Variants in TMPO observed in about 807,000 individuals in gnomAD.
TMPO encodes the protein LEM domain containing 4.
In TMPO, 22 loss-of-function variants were observed where a neutral mutation model predicts 45.4. That is an observed-to-expected ratio of 0.48 (90% CI 0.35 to 0.69). TMPO has a LOEUF of 0.69. TMPO is among the 30% of genes least tolerant of loss of function. The pLI, the probability that TMPO is intolerant of heterozygous loss-of-function variation, is 0.01. For missense variants in TMPO, 512 were observed against 548.8 expected (o/e 0.93, Z 0.67); for synonymous variants, 241 against 204.1 (o/e 1.18, Z -1.54).
At chr12:98,540,352 ACT>A (rs1282970260) in intron 4 of TMPO, among the ~76,000 whole-genome samples, 3 of 150,600 alleles carry the variant, frequency 2.0e-5, no homozygotes, top group Non-Finnish European at 3.0e-5. Flanking sequence ...AGGCTGAGAA[ACT>A]CTGTTTTGCT....
intron 1 of TMPO, 117 bp from the exon 2 acceptor site, chr12:98,527,769 C>T: frequency 1.7e-6 from 2 of 1,157,578 alleles, no homozygotes; most frequent in Non-Finnish European, 2.5e-6. Flanking sequence ...TTGCTAAGGC[C>T]TAATATTACT....
At position 98,515,678 on chromosome 12, in the gene TMPO, T is replaced by C; in HGVS notation, c.-190T>C. Reference sequence around the variant, plus strand: ...GGCCGCAGTTGGTTCGTAGTTCGGCTCTGGGGTCTTTTGTGTCCGGGTCTG... The same window carrying C: ...GGCCGCAGTTGGTTCGTAGTTCGGCCCTGGGGTCTTTTGTGTCCGGGTCTG... On this transcript the variant is annotated 5_prime_UTR_variant, in exon 1 of 9. Coordinates refer to ENST00000556029, the MANE Select transcript of TMPO (RefSeq NM_001032283.3). 4.0e-6 allele frequency: 5 copies of C among 1,260,352 alleles called. No individual in the cohort carries two copies. Among genetic ancestry groups the C allele is most frequent in the South Asian group, 3.0e-5 (2 of 66,798 alleles). The allele number at this position is 1,260,352 out of a possible 1,614,324, so 78.1% of individuals were successfully genotyped here.
intron 1 of TMPO, among the ~76,000 whole-genome samples, chr12:98,518,504 G>T: frequency 8.0e-6 from 1 of 124,990 alleles, no homozygotes. Flanking sequence ...TGGTACACAG[G>T]CTTTCTGTGT....
At chr12:98,529,282 G>A (rs1462405463) in intron 2 of TMPO, among the ~76,000 whole-genome samples, 2 of 152,008 alleles carry the variant, frequency 1.3e-5, no homozygotes, top group South Asian at 2.1e-4. Context: ...TGAAACTCCC[G>A]ACCTCAGGTG....
intron 1 of TMPO, among the ~76,000 whole-genome samples, chr12:98,517,805 G>T (rs577573748): frequency 3.9e-5 from 6 of 152,324 alleles, no homozygotes; most frequent in African/African-American, 1.4e-4. Context: ...AAATAAAAGC[G>T]TACCCGCTTA....
intron 1 of TMPO, among the ~76,000 whole-genome samples, chr12:98,525,602 G>T (rs935046382): frequency 6.6e-6 from 1 of 151,966 alleles, no homozygotes; most frequent in Admixed American, 6.6e-5. Context: ...TTAGCCGGGC[G>T]TGGTGGTGCA....
chr12:98,531,648 C>CA (rs1165083830), intron 2 of TMPO, 32 bp from the exon 3 acceptor site: 7 of 1,609,424 alleles, frequency 4.3e-6, no homozygotes, highest in Non-Finnish European at 5.9e-6. Flanking sequence ...TGAAACAATA[C>CA]AGGTACTAAA....
intron 2 of TMPO, among the ~76,000 whole-genome samples, chr12:98,529,575 T>A (rs541089886): frequency 2.5e-4 from 38 of 152,210 alleles, no homozygotes; most frequent in South Asian, 8.3e-4. Flanking sequence ...TATTATTATT[T>A]TTTTTTTTGA....
intron 3 of TMPO, chr12:98,534,134 CAT>C: frequency 2.5e-6 from 4 of 1,613,900 alleles, no homozygotes; most frequent in Non-Finnish European, 3.4e-6. Flanking sequence ...GATGCAGCCT[CAT>C]ATATTTGTGA....
At chr12:98,545,521 A>G (rs1201016183) in intron 7 of TMPO, among the ~76,000 whole-genome samples, 1 of 152,174 alleles carries the variant, frequency 6.6e-6, no homozygotes, top group African/African-American at 2.4e-5. Flanking sequence ...TTTAATTTGA[A>G]TGAATCTTTA....
intron 3 of TMPO, among the ~76,000 whole-genome samples, chr12:98,536,040 G>A (rs1877546949): frequency 6.6e-6 from 1 of 152,130 alleles, no homozygotes; most frequent in Admixed American, 6.5e-5. Flanking sequence ...TTGGGAGATG[G>A]ACTTGAAATC....
intron 3 of TMPO, chr12:98,532,199 A>G (rs1023211510): frequency 2.6e-5 from 5 of 193,710 alleles, no homozygotes; most frequent in Non-Finnish European, 4.3e-5. Flanking sequence ...CCTGTCTTTC[A>G]AGTTTTATAT....
intron 1 of TMPO, among the ~76,000 whole-genome samples, chr12:98,523,123 G>A (rs142212547): frequency 1.9e-3 from 286 of 152,318 alleles, no homozygotes; most frequent in Middle Eastern, 6.8e-3. Flanking sequence ...AGAATTTAAT[G>A]CAACTGATGC....
At chr12:98,516,401 G>T (rs1328904977) in intron 1 of TMPO, 1 of 1,191,132 alleles carries the variant, frequency 8.4e-7, no homozygotes, top group Non-Finnish European at 1.0e-6. Flanking sequence ...GGCGGCGGTT[G>T]TTTTGCACGC....
chr12:98,534,081 T>G (rs780705792), intron 3 of TMPO: 1 of 1,611,864 alleles, frequency 6.2e-7, no homozygotes, highest in Non-Finnish European at 8.5e-7. Context: ...GCTCAGATCC[T>G]AGTCGTACCC....
At chr12:98,537,418 A>G (rs1258239428) in intron 3 of TMPO, 57 bp from the exon 4 acceptor site, 20 of 1,402,338 alleles carry the variant, frequency 1.4e-5, no homozygotes, top group Non-Finnish European at 1.9e-5. Context: ...TATTAGGATA[A>G]CATCATCATT....
At chr12:98,526,310 C>T (rs996831973) in intron 1 of TMPO, among the ~76,000 whole-genome samples, 2 of 152,128 alleles carry the variant, frequency 1.3e-5, no homozygotes, top group Non-Finnish European at 2.9e-5. Context: ...GTCCTGTCTC[C>T]TATCCTTGGG....
intron 2 of TMPO, among the ~76,000 whole-genome samples, chr12:98,530,486 C>G (rs1407181479): frequency 7.0e-6 from 1 of 143,584 alleles, no homozygotes; most frequent in Non-Finnish European, 1.5e-5. Context: ...TAAAAAATAT[C>G]CATTATCATT....
rs184251280 is a variant in TMPO at position 98,524,790 on chromosome 12, C to T, written c.280-3096C>T. On this transcript the variant is annotated intron_variant, in intron 1 of 8. Coordinates refer to ENST00000556029, the MANE Select transcript of TMPO (RefSeq NM_001032283.3). ...TGCATTTTTAAAAGAGACGGGGTTT[C>T]ACCGTGTTGGCCATGCTGGTCTCGA... is the stretch of plus-strand genomic sequence containing the variant. Among the ~76,000 whole-genome samples, 1,158 of 152,042 alleles carry T rather than the reference C, an allele frequency of 7.6e-3. 13 individuals carry two copies. Among genetic ancestry groups the T allele is most frequent in the Admixed American group, 0.029 (442 of 15,256 alleles).
Sources: gnomAD v4.1 joint callset for allele counts (sites outside exome capture counted in the v4.1 genomes callset) on GRCh38, gnomAD v4.1.1 for gene constraint, MANE v1.5 for transcripts, NCBI Gene and HGNC (gene_info 2026-07-23, HGNC 2026-07-21) for gene names.